Variants in PADI2 observed in about 807,000 individuals in gnomAD.
PADI2 encodes the protein peptidyl arginine deiminase 2.
A neutral mutation model predicts 81.1 loss-of-function variants in PADI2; 70 were observed. That is an observed-to-expected ratio of 0.86 (90% CI 0.71 to 1.05). The LOEUF (loss-of-function observed/expected upper bound fraction) is 1.05. Ranked by LOEUF, PADI2 falls within the 50% of genes least tolerant of loss-of-function variation. PADI2 has a pLI of 0.00. For missense variants in PADI2, 853 were observed against 889.9 expected, an observed-to-expected ratio of 0.96 and a Z score of 0.53; for synonymous variants, 338 against 358.0, an observed-to-expected ratio of 0.94 and a Z score of 0.63.
intron 11 of PADI2, among the ~76,000 whole-genome samples, chr1:17,076,661 C>A (rs1032045869): frequency 6.6e-6 from 1 of 152,122 alleles, no homozygotes; most frequent in Admixed American, 6.5e-5. Context: ...ACTGCAATAT[C>A]TCCCTCCCTG....
At chr1:17,081,058 C>T (rs552698672) in intron 10 of PADI2, among the ~76,000 whole-genome samples, 133 of 152,334 alleles carry the variant, frequency 8.7e-4, no homozygotes, top group South Asian at 3.9e-3. Flanking sequence ...CAAGGAACAA[C>T]GCAGCCTGGG....
intron 1 of PADI2, 133 bp from the exon 2 acceptor site, chr1:17,105,194 A>C: frequency 5.5e-6 from 3 of 542,064 alleles, no homozygotes; most frequent in Non-Finnish European, 9.5e-6. Flanking sequence ...GGCGTTTGAG[A>C]CCAGCCTGGA....
rs2078299223 is a variant in PADI2, at chr1:17,075,932, G to A, written c.1311-109C>T. ...CCTCGGACCCAGAGTGACATCAGCA[G>A]AGAAGTCCCAGGAAGGAGACTAGGT... On this transcript the variant is annotated intron_variant, in intron 11 of 15. Transcript: ENST00000375486. 7 of 1,001,622 alleles carry A rather than the reference G, an allele frequency of 7.0e-6. No homozygotes were observed. The South Asian group carries it at 9.3e-5, about 13-fold the overall frequency. The allele number at this position is 1,001,622 out of a possible 1,614,324, so 62.0% of individuals were successfully genotyped here. A position where few individuals can be genotyped will look rare whatever the true frequency, so the allele number is the denominator to read the frequency against.
At chr1:17,088,072 C>T (rs542319767) in intron 6 of PADI2, among the ~76,000 whole-genome samples, 4 of 151,892 alleles carry the variant, frequency 2.6e-5, no homozygotes, top group Non-Finnish European at 4.4e-5. Context: ...TAAGATGGAG[C>T]AGATGTGGGA....
chr1:17,110,484 G>GAACA (rs1045844032), intron 1 of PADI2, among the ~76,000 whole-genome samples: 3 of 151,274 alleles, frequency 2.0e-5, no homozygotes, highest in Non-Finnish European at 4.4e-5. Flanking sequence ...AAAAACAAAC[G>GAACA]AACAAACAAA....
chr1:17,116,477 C>T (rs988893216), intron 1 of PADI2, among the ~76,000 whole-genome samples: 6 of 152,150 alleles, frequency 3.9e-5, no homozygotes, highest in African/African-American at 1.4e-4. Context: ...TGAGCCAGGA[C>T]CTGTGTCCGG....
chr1:17,116,219 G>A (rs912065490), intron 1 of PADI2, among the ~76,000 whole-genome samples: 2 of 152,244 alleles, frequency 1.3e-5, no homozygotes, highest in Non-Finnish European at 2.9e-5. Flanking sequence ...GGACCACAAG[G>A]TCTATTGAGG....
intron 8 of PADI2, 58 bp from the exon 9 acceptor site, chr1:17,083,895 C>A: frequency 3.0e-6 from 3 of 1,007,862 alleles, no homozygotes; most frequent in South Asian, 1.3e-5. Flanking sequence ...GGGCCAGAGT[C>A]ATCTCCCTGA....
At chr1:17,094,918 C>G (rs1354854456) in intron 4 of PADI2, among the ~76,000 whole-genome samples, 1 of 152,166 alleles carries the variant, frequency 6.6e-6, no homozygotes, top group Non-Finnish European at 1.5e-5. Context: ...TGGCCCTGGT[C>G]TCAGGCAAGC....
intron 1 of PADI2, among the ~76,000 whole-genome samples, chr1:17,107,633 C>T (rs2281371): frequency 0.6 from 91,797 of 152,094 alleles, 29,709 homozygotes; most frequent in East Asian, 0.85. Flanking sequence ...ATCAGCACTG[C>T]GGTCCACTGC....
chr1:17,082,818 G>A, intron 9 of PADI2, 166 bp from the exon 10 acceptor site: 1 of 569,280 alleles, frequency 1.8e-6, no homozygotes. Flanking sequence ...TGGCAGCACA[G>A]GTGTCCATAG....
At position 17,086,691 on chromosome 1, in the gene PADI2, A is replaced by C; in HGVS notation, c.664T>G (p.Phe222Val). Residue 222 changes from phenylalanine (F) to valine (V), a missense_variant, in exon 7 of 16, where the codon TTC becomes GTC. Phe to Val is a conservative substitution (Grantham distance 50). Coordinates refer to ENST00000375486, the MANE Select transcript of PADI2 (RefSeq NM_007365.3). ...AGGATGTGGATATAGCGTTGGCCGA[A>C]GAACGGGTCTGGAGGGAAAAGGACC... ...VGVFYVENPF[F>V]GQRYIHILGR... The C allele has an allele frequency of 3.1e-6, 5 of 1,613,880 alleles. No homozygotes were observed. The highest frequency in any genetic ancestry group is 4.2e-6 in the Non-Finnish European group (5 of 1,179,914).
chr1:17,096,539 T>G (rs1043038798), intron 3 of PADI2, among the ~76,000 whole-genome samples: 9 of 152,182 alleles, frequency 5.9e-5, no homozygotes, highest in Middle Eastern at 3.2e-3. Context: ...GGTTTTACTG[T>G]GGGTGGGAAG....
chr1:17,073,544 A>G (rs1281168162), intron 13 of PADI2, among the ~76,000 whole-genome samples: 3 of 152,316 alleles, frequency 2.0e-5, no homozygotes, highest in African/African-American at 7.2e-5. Context: ...TAGATTAGGT[A>G]TATTTTATCA....
intron 13 of PADI2, 131 bp from the exon 14 acceptor site, chr1:17,071,622 T>C: frequency 1.4e-6 from 1 of 714,792 alleles, no homozygotes. Context: ...GGGGAGAGGC[T>C]GGATCACAGG....
intron 2 of PADI2, among the ~76,000 whole-genome samples, chr1:17,104,497 C>T (rs12024925): frequency 0.82 from 103,342 of 125,976 alleles, 42,359 homozygotes; most frequent in East Asian, 0.94. Context: ...TGCAGTGGTG[C>T]GATCTCGGCT....
chr1:17,073,803 T>G (rs1333078224), intron 13 of PADI2, among the ~76,000 whole-genome samples: 1 of 152,164 alleles, frequency 6.6e-6, no homozygotes, highest in Non-Finnish European at 1.5e-5. Context: ...TGGCATGGTG[T>G]CTCTAACCTG....
chr1:17,095,234 A>G (rs139601930), intron 4 of PADI2, among the ~76,000 whole-genome samples: 1 of 152,316 alleles, frequency 6.6e-6, no homozygotes, highest in African/African-American at 2.4e-5. Flanking sequence ...GTTGAGGGAA[A>G]AGTACAAAAC....
Position 17,070,118 on chromosome 1 carries a change from G to A in PADI2, c.1734C>T (p.Asp578=). The part of the protein sequence containing the change: ...DLPALFKMDE[D]HRARAFFPNM... ...TTGGGAAGAAGGCTCTGGCACGGTGGTCCTCGTCCATCTTGAACAGAGCGG... is the reference window on the plus strand; with the variant it reads ...TTGGGAAGAAGGCTCTGGCACGGTGATCCTCGTCCATCTTGAACAGAGCGG... Residue 578 remains aspartate, a synonymous_variant, in exon 15 of 16, where the codon GAC becomes GAT. Transcript: ENST00000375486. The A allele has an allele frequency of 1.2e-6, 2 of 1,614,130 alleles. No individual in the cohort carries two copies. Among genetic ancestry groups the A allele is most frequent in the Non-Finnish European group, 1.7e-6 (2 of 1,179,998 alleles).
Sources: gnomAD v4.1 joint callset for allele counts (sites outside exome capture counted in the v4.1 genomes callset) on GRCh38, gnomAD v4.1.1 for gene constraint, MANE v1.5 for transcripts, NCBI Gene and HGNC (gene_info 2026-07-23, HGNC 2026-07-21) for gene names.